UNKL: variants seen among roughly 807,000 people sequenced by gnomAD.
UNKL encodes the protein putative E3 ubiquitin-protein ligase UNKL.
In UNKL, 60 loss-of-function variants were observed where a neutral mutation model predicts 78.0. The ratio of observed to expected loss-of-function variants is 0.77; its 90% CI spans 0.63 to 0.95. The LOEUF is 0.95. Ranked by LOEUF, UNKL falls within the 40% of genes least tolerant of loss-of-function variation. The pLI, the probability that UNKL is intolerant of heterozygous loss-of-function variation, is 0.00. For synonymous variants in UNKL, 608 were observed against 474.8 expected (o/e 1.28, Z -3.65); for missense variants, 1,159 against 1,045.7 (o/e 1.11, Z -1.49).
intron 10 of UNKL, among the ~76,000 whole-genome samples, chr16:1,376,707 C>CT (rs1227451333): frequency 1.5e-3 from 5 of 3,382 alleles, no homozygotes; most frequent in Non-Finnish European, 3.9e-3. Context: ...CATTCCAAGA[C>CT]CCCCCCATGG....
rs578025801 is a variant in UNKL, at chr16:1,371,348, C to T, written c.1357+171G>A. Among the ~76,000 whole-genome samples, 42 of 152,270 alleles carry T rather than the reference C, an allele frequency of 2.8e-4. 1 individual carries two copies. The South Asian group carries it at 7.9e-3, about 29-fold the overall frequency. ...AGGTACCGCCAGAAGGGGATCCTCC[C>T]GCTCCGAAAACCAGACACCGGGTCT... On this transcript the variant is annotated intron_variant, in intron 11 of 14. Transcript: ENST00000389221.
intron 10 of UNKL, among the ~76,000 whole-genome samples, chr16:1,384,508 C>T (rs1365191306): frequency 6.6e-6 from 1 of 152,166 alleles, no homozygotes; most frequent in Non-Finnish European, 1.5e-5. Context: ...AGCCCAGGTG[C>T]TCACAGCTGT....
Position 1,363,233 on chromosome 16 carries a change from TACTGATAAAAATA to T in UNKL, c.*2994_*3006del. On this transcript the variant is annotated 3_prime_UTR_variant, in exon 15 of 15. Coordinates refer to ENST00000389221, the MANE Select transcript of UNKL (RefSeq NM_001372107.1). ...GATTCAAGGTTTTAATTAATTCCCA[TACTGATAAAAATA>T]ACTCCATGAATTCTGTAAACCATTG... The T allele has an allele frequency of 1.4e-6, 1 of 727,744 alleles. No homozygotes were observed. Among genetic ancestry groups the T allele is most frequent in the Non-Finnish European group, 2.4e-6 (1 of 416,382 alleles). 45.1% of individuals were successfully genotyped at this position (727,744 alleles called of 1,614,324 possible).
chr16:1,367,407 T>C (rs4984823), intron 13 of UNKL, 58 bp from the exon 14 acceptor site: 1,327,988 of 1,482,048 alleles, frequency 0.9, 595,536 homozygotes, highest in East Asian at 1. Context: ...CTGCAGACCC[T>C]CTTGCCTGTG....
rs1378094868 is a variant in UNKL, at chr16:1,379,764, C to T, written c.1264+5444G>A. ...CCCGCCCCCGTCGCACTGGCCACGC[C>T]CCCCGCGCTGCCCTCCCCCAACCTT... On this transcript the variant is annotated intron_variant, in intron 10 of 14. Transcript: ENST00000389221. 2.9e-5 allele frequency: 21 copies of T among 732,048 alleles called. No homozygotes were observed. In the East Asian group the frequency reaches 3.5e-3, roughly 120 times the overall value. The allele number at this position is 732,048 out of a possible 1,614,324, so 45.3% of individuals were successfully genotyped here.
At position 1,366,053 on chromosome 16, in the gene UNKL, G is replaced by GT; in HGVS notation, c.*186dup. 1 of 610,144 alleles carries GT rather than the reference G, an allele frequency of 1.6e-6. No individual in the cohort carries two copies. The highest frequency in any genetic ancestry group is 3.1e-5 in the South Asian group (1 of 32,494). The allele number at this position is 610,144 out of a possible 1,614,324, so 37.8% of individuals were successfully genotyped here. ...TCGGTAGGACTAGATAGGTGACAACGTGTGACAGGAAAGGCTGTCAGGCCA... is the reference window on the plus strand; with the variant it reads ...TCGGTAGGACTAGATAGGTGACAACGTTGTGACAGGAAAGGCTGTCAGGCCA... On this transcript the variant is annotated 3_prime_UTR_variant, in exon 15 of 15. Transcript: ENST00000389221.
rs1367968140 is a variant in UNKL, at chr16:1,364,786, T to G, written c.*1454A>C. On this transcript the variant is annotated 3_prime_UTR_variant, in exon 15 of 15. Transcript: ENST00000389221. Reference sequence around the variant, plus strand: ...ATGATAACTGGCAGCGCGGGTCAGGTGACTGCCACATACACCCGGCACCCC... The same window carrying G: ...ATGATAACTGGCAGCGCGGGTCAGGGGACTGCCACATACACCCGGCACCCC... 3 of 152,136 alleles carry G rather than the reference T, an allele frequency of 2.0e-5. No individual in the cohort carries two copies. Among genetic ancestry groups the G allele is most frequent in the Non-Finnish European group, 4.4e-5 (3 of 68,056 alleles). 9.4% of individuals were successfully genotyped at this position (152,136 alleles called of 1,614,324 possible).
intron 10 of UNKL, among the ~76,000 whole-genome samples, chr16:1,377,327 G>A (rs1461826035): frequency 6.6e-6 from 1 of 151,832 alleles, no homozygotes; most frequent in African/African-American, 2.4e-5. Context: ...AGCCTCAAAT[G>A]CAACTTTCAG....
intron 10 of UNKL, among the ~76,000 whole-genome samples, chr16:1,380,727 T>G (rs1369617658): frequency 6.9e-6 from 1 of 144,306 alleles, no homozygotes. Context: ...CAGGCTGGAG[T>G]GCAGTGGCAC....
rs1476400498 is a variant in UNKL at position 1,364,001 on chromosome 16, C to T, written c.*2239G>A. ...CAGACTAGAGCTCAGCTGCTCCTGA[C>T]CACTGACAACCGGGAGATGTCTCGG... On this transcript the variant is annotated 3_prime_UTR_variant, in exon 15 of 15. Transcript: ENST00000389221. The T allele has an allele frequency of 6.6e-6, 1 of 152,202 alleles. No individual in the cohort carries two copies. The highest frequency in any genetic ancestry group is 2.4e-5 in the African/African-American group (1 of 41,438). The allele number at this position is 152,202 out of a possible 1,614,324, so 9.4% of individuals were successfully genotyped here.
At chr16:1,401,936 C>G (rs1330782505) in intron 3 of UNKL, among the ~76,000 whole-genome samples, 1 of 152,290 alleles carries the variant, frequency 6.6e-6, no homozygotes, top group African/African-American at 2.4e-5. Flanking sequence ...CTGGCTCTGT[C>G]CCCCAGGCTG....
Position 1,385,258 on chromosome 16 carries a change from G to A in UNKL, c.1214C>T (p.Ala405Val), listed in dbSNP as rs2036764401. ...GGCGGGGCCGAGCGGGAGGGCACGG[G>A]CGGGGGGCGCGGGCAGCGCAGTGGG... ...SSPTALPAPP[A>V]RALPLGPASS... The change falls in exon 10 of 15, where the codon GCC becomes GTC. Residue 405 changes from alanine to valine, a missense_variant. Physicochemically the swap from Ala to Val is moderately conservative, Grantham distance 64. Transcript: ENST00000389221. 34 of 1,328,320 alleles carry A rather than the reference G, an allele frequency of 2.6e-5. No homozygotes were observed. Among genetic ancestry groups the A allele is most frequent in the Non-Finnish European group, 3.3e-5 (34 of 1,043,132 alleles). The allele number at this position is 1,328,320 out of a possible 1,614,324, so 82.3% of individuals were successfully genotyped here. A position where few individuals can be genotyped will look rare whatever the true frequency, so the allele number is the denominator to read the frequency against.
In UNKL at chr16:1,366,068, C is replaced by T; in HGVS notation, c.*172G>A. ...AGGTGACAACGTGTGACAGGAAAGG[C>T]TGTCAGGCCAAGCGCAGGCGGGGCT... On this transcript the variant is annotated 3_prime_UTR_variant, in exon 15 of 15. Transcript: ENST00000389221. 1.4e-6 allele frequency: 1 copy of T among 697,302 alleles called. No individual in the cohort carries two copies. The highest frequency in any genetic ancestry group is 2.2e-6 in the Non-Finnish European group (1 of 460,698). The allele number at this position is 697,302 out of a possible 1,614,324, so 43.2% of individuals were successfully genotyped here.
At chr16:1,388,139 G>A (rs1596714981) in intron 9 of UNKL, among the ~76,000 whole-genome samples, 1 of 152,158 alleles carries the variant, frequency 6.6e-6, no homozygotes, top group Non-Finnish European at 1.5e-5. Context: ...CGTGGACGAC[G>A]CTGGGGTTTG....
At chr16:1,370,899 T>C (rs1196161546) in intron 11 of UNKL, among the ~76,000 whole-genome samples, 8 of 152,142 alleles carry the variant, frequency 5.3e-5, no homozygotes, top group South Asian at 4.1e-4. Context: ...CTGGCTAACA[T>C]GGTGAAACCC....
At chr16:1,405,006 C>T (rs918018465) in intron 2 of UNKL, among the ~76,000 whole-genome samples, 3 of 151,988 alleles carry the variant, frequency 2.0e-5, no homozygotes, top group African/African-American at 7.3e-5. Flanking sequence ...CTAGCCTGGG[C>T]AACATGGTGA....
Position 1,410,317 on chromosome 16 carries a change from G to GCAT in UNKL, c.287+3526_287+3528dup, listed in dbSNP as rs1252469340. Among the ~76,000 whole-genome samples the GCAT allele has an allele frequency of 1.9e-4, 29 of 149,596 alleles. 1 individual carries two copies. The highest frequency in any genetic ancestry group is 1.7e-3 in the Admixed American group (25 of 15,006). ...GATGCTTTATCTTTATGCATTAAAA[G>GCAT]CATCACCTGGCCAGGCACGGTGGCC... On this transcript the variant is annotated intron_variant, in intron 2 of 14. Transcript: ENST00000389221.
At chr16:1,398,679 G>GCGCGCCCCCCC in intron 5 of UNKL, 1 of 1,356,284 alleles carries the variant, frequency 7.4e-7, no homozygotes, top group Non-Finnish European at 9.5e-7. Context: ...TGTGGGGTCT[G>GCGCGCCCCCCC]CACCCCCCCA....
In UNKL at chr16:1,390,804, C is replaced by T. The variant is rs1490798228; in HGVS notation, c.1024-110G>A. Reference sequence around the variant, plus strand: ...CAGCACTTTGGGAGGCTGAGGCGGGCGGATCATCTGAGCTCAGGAGTTCGA... The same window carrying T: ...CAGCACTTTGGGAGGCTGAGGCGGGTGGATCATCTGAGCTCAGGAGTTCGA... On this transcript the variant is annotated intron_variant, in intron 8 of 14. Coordinates refer to ENST00000389221, the MANE Select transcript of UNKL (RefSeq NM_001372107.1). 21 of 1,183,704 alleles carry T rather than the reference C, an allele frequency of 1.8e-5. No homozygotes were observed. The East Asian group carries it at 2.6e-4, about 15-fold the overall frequency. 73.3% of individuals were successfully genotyped at this position (1,183,704 alleles called of 1,614,324 possible). A position where few individuals can be genotyped will look rare whatever the true frequency, so the allele number is the denominator to read the frequency against.
Sources: allele counts gnomAD v4.1 joint callset (sites outside exome capture counted in the v4.1 genomes callset), GRCh38; gene constraint gnomAD v4.1.1; transcripts MANE v1.5; gene names NCBI Gene and HGNC (gene_info 2026-07-23, HGNC 2026-07-21).